The following DRC11 variants were observed in gnomAD, a reference collection of about 807,000 sequenced individuals.
The protein encoded by DRC11 is IQ and AAA domain-containing protein 1.
chr2:236,359,536 T>C, the DRC11 span, among the ~76,000 whole-genome samples: 4 of 152,288 alleles, frequency 2.6e-5, no homozygotes, highest in East Asian at 7.7e-4. This position sits in a 1 kb window ranked among gnomAD's most constrained non-coding sequence, Gnocchi z 4.3. Flanking sequence ...GACTTCTCTC[T>C]AGGAAGAATC....
At chr2:236,358,058 TTA>T in the DRC11 span, among the ~76,000 whole-genome samples, 3 of 118,926 alleles carry the variant, frequency 2.5e-5, no homozygotes, top group South Asian at 2.6e-4. Flanking sequence ...TAGATATATA[TTA>T]TATGAATATA....
chr2:236,331,397 T>C, the DRC11 span: 1 of 1,613,982 alleles, frequency 6.2e-7, no homozygotes, highest in Non-Finnish European at 8.5e-7. The surrounding 1 kb of genome is among the most constrained non-coding windows in gnomAD (Gnocchi z 4.8). Flanking sequence ...ACTGGATTCA[T>C]GCTGGTTATC....
chr2:236,357,398 T>C, the DRC11 span, among the ~76,000 whole-genome samples: 2 of 113,934 alleles, frequency 1.8e-5, no homozygotes, highest in Non-Finnish European at 3.4e-5. Flanking sequence ...TATTATATAG[T>C]ATATGCATAT....
chr2:236,354,259 ATG>A, the DRC11 span, among the ~76,000 whole-genome samples: 2 of 151,198 alleles, frequency 1.3e-5, no homozygotes, highest in Non-Finnish European at 2.9e-5. Context: ...TAGTGTGCAC[ATG>A]TGTGCGTGTG....
At chr2:236,372,554 T>G in the DRC11 span, among the ~76,000 whole-genome samples, 1 of 152,192 alleles carries the variant, frequency 6.6e-6, no homozygotes, top group Non-Finnish European at 1.5e-5. This position sits in a 1 kb window ranked among gnomAD's most constrained non-coding sequence, Gnocchi z 4.5. Flanking sequence ...TGCACTTTTT[T>G]TTTCCTAAAC....
the DRC11 span, among the ~76,000 whole-genome samples, chr2:236,394,006 A>T: frequency 6.6e-6 from 1 of 152,086 alleles, no homozygotes; most frequent in Admixed American, 6.6e-5. This position sits in a 1 kb window ranked among gnomAD's most constrained non-coding sequence, Gnocchi z 7.0. Flanking sequence ...TGTATGAATA[A>T]ATTAATTTTT....
the DRC11 span, among the ~76,000 whole-genome samples, chr2:236,344,207 T>A: frequency 1.3e-5 from 2 of 152,234 alleles, no homozygotes; most frequent in Non-Finnish European, 2.9e-5. Context: ...CCTTTTGCTA[T>A]TTATTATGAT....
At chr2:236,358,848 C>T in the DRC11 span, among the ~76,000 whole-genome samples, 1 of 148,326 alleles carries the variant, frequency 6.7e-6, no homozygotes, top group Non-Finnish European at 1.5e-5. Flanking sequence ...TCACGTGGCC[C>T]CCCAGCTGGC....
chr2:236,353,276 T>C, the DRC11 span, among the ~76,000 whole-genome samples: 1 of 152,040 alleles, frequency 6.6e-6, no homozygotes, highest in East Asian at 1.9e-4. This position sits in a 1 kb window ranked among gnomAD's most constrained non-coding sequence, Gnocchi z 5.0. Context: ...CACTAGAGGG[T>C]TTTTGTTGTG....
the DRC11 span, among the ~76,000 whole-genome samples, chr2:236,489,031 AGCTCCGGGTGCATGCTGAGGCCTTTATGG>A: frequency 2.3e-5 from 1 of 43,838 alleles, no homozygotes; most frequent in Non-Finnish European, 4.3e-5. Context: ...GGCCTGTGTG[AGCTCCGGGTGCATGCTGAGGCCTTTATGG>A]GCTCCGGGTG....
chr2:236,392,383 G>A, the DRC11 span: 1 of 1,272,406 alleles, frequency 7.9e-7, no homozygotes, highest in Non-Finnish European at 1.1e-6. The surrounding 1 kb of genome is among the most constrained non-coding windows in gnomAD (Gnocchi z 5.1). Flanking sequence ...AAAAGAAAAA[G>A]AAAAAATTTT....
the DRC11 span, among the ~76,000 whole-genome samples, chr2:236,398,638 T>C: frequency 1.3e-5 from 2 of 152,018 alleles, no homozygotes; most frequent in Non-Finnish European, 2.9e-5. The surrounding 1 kb of genome is among the most constrained non-coding windows in gnomAD (Gnocchi z 6.2). Flanking sequence ...ACCACAGGAG[T>C]TCGGTAATAG....
chr2:236,383,129 T>C, the DRC11 span, among the ~76,000 whole-genome samples: 3 of 152,152 alleles, frequency 2.0e-5, no homozygotes, highest in Admixed American at 2.0e-4. Flanking sequence ...AACGTCTTTA[T>C]TTGTTATTGG....
At chr2:236,379,275 T>C in the DRC11 span, among the ~76,000 whole-genome samples, 1,996 of 90,168 alleles carry the variant, frequency 0.022, 41 homozygotes, top group African/African-American at 0.055. Context: ...AACAGAAGAG[T>C]GACAGGACCA....
the DRC11 span, among the ~76,000 whole-genome samples, chr2:236,479,324 A>G: frequency 6.6e-6 from 1 of 152,320 alleles, no homozygotes; most frequent in Admixed American, 6.5e-5. This position sits in a 1 kb window ranked among gnomAD's most constrained non-coding sequence, Gnocchi z 4.1. Flanking sequence ...TAATTGGAGA[A>G]TTAAGTCCAT....
the DRC11 span, chr2:236,408,919 T>C: frequency 3.0e-6 from 2 of 670,952 alleles, no homozygotes; most frequent in African/African-American, 1.8e-5. This position sits in a 1 kb window ranked among gnomAD's most constrained non-coding sequence, Gnocchi z 5.5. Context: ...ACGATGTGGG[T>C]CATGCCAACC....
chr2:236,364,964 G>A, the DRC11 span, among the ~76,000 whole-genome samples: 5 of 152,184 alleles, frequency 3.3e-5, no homozygotes, highest in African/African-American at 1.2e-4. Flanking sequence ...TCTTTACCAC[G>A]TAACTCAATG....
the DRC11 span, among the ~76,000 whole-genome samples, chr2:236,447,709 G>A: frequency 6.6e-6 from 1 of 152,196 alleles, no homozygotes; most frequent in Admixed American, 6.5e-5. The surrounding 1 kb of genome is among the most constrained non-coding windows in gnomAD (Gnocchi z 4.6). Flanking sequence ...CTGTAGATTT[G>A]GGTGAAATGA....
At chr2:236,357,728 AATATAC>A in the DRC11 span, among the ~76,000 whole-genome samples, 88 of 126,636 alleles carry the variant, frequency 6.9e-4, 1 homozygote, top group African/African-American at 2.6e-3. Flanking sequence ...ATAATATATA[AATATAC>A]ATATAATATG....
Sources: gnomAD v4.1 joint callset for allele counts (sites outside exome capture counted in the v4.1 genomes callset) on GRCh38, gnomAD v4.1.1 for gene constraint, Gnocchi (gnomAD v3.1) non-coding constraint, MANE v1.5 for transcripts, NCBI Gene and HGNC (gene_info 2026-07-23, HGNC 2026-07-21) for gene names.